GRIK1: variants seen among roughly 807,000 people sequenced by gnomAD.
GRIK1 encodes glutamate receptor ionotropic, kainate 1.
In GRIK1, 69 loss-of-function variants were observed where a neutral mutation model predicts 105.7. The observed-to-expected ratio is 0.65, with a 90% CI of 0.54 to 0.80. The LOEUF (loss-of-function observed/expected upper bound fraction) is 0.80. GRIK1 is among the 30% of genes least tolerant of loss of function. The pLI is 0.00. For missense variants in GRIK1, 1,109 were observed against 1,167.3 expected (o/e 0.95, Z 0.73); for synonymous variants, 438 against 431.3 (o/e 1.02, Z -0.19).
intron 11 of GRIK1, among the ~76,000 whole-genome samples, 197 bp from the exon 12 acceptor site, chr21:29,587,786 G>C (rs2091162784): frequency 6.6e-6 from 1 of 151,718 alleles, no homozygotes; most frequent in Non-Finnish European, 1.5e-5. Flanking sequence ...AGAGAAACCA[G>C]AAAGTATAAA....
intron 1 of GRIK1, among the ~76,000 whole-genome samples, chr21:29,775,056 C>A (rs891279015): frequency 6.6e-6 from 1 of 152,072 alleles, no homozygotes; most frequent in African/African-American, 2.4e-5. Context: ...TGGTAGCTCA[C>A]GCCTGTAATC....
At chr21:29,800,840 G>T (rs983160147) in intron 1 of GRIK1, among the ~76,000 whole-genome samples, 1 of 152,204 alleles carries the variant, frequency 6.6e-6, no homozygotes, top group African/African-American at 2.4e-5. Context: ...ACAAGTCGGA[G>T]GAGGGAGAAA....
intron 1 of GRIK1, among the ~76,000 whole-genome samples, chr21:29,747,082 C>T (rs1662269670): frequency 6.6e-6 from 1 of 152,100 alleles, no homozygotes; most frequent in African/African-American, 2.4e-5. Flanking sequence ...AAATTGTTCC[C>T]TGAGAGCTAA....
intron 2 of GRIK1, 33 bp from the exon 3 acceptor site, chr21:29,690,018 G>T: frequency 1.3e-6 from 2 of 1,532,726 alleles, no homozygotes; most frequent in Non-Finnish European, 1.8e-6. Flanking sequence ...GGATGGGGAG[G>T]GAGGGCAGGG....
chr21:29,705,790 T>C (rs1230805185), intron 1 of GRIK1, among the ~76,000 whole-genome samples: 3 of 152,336 alleles, frequency 2.0e-5, no homozygotes, highest in East Asian at 3.9e-4. Context: ...CTCACAGATA[T>C]GTTGCAGGTA....
Position 29,846,447 on chromosome 21 carries a change from AAGAAGGAAAG to A in GRIK1, c.118+92926_118+92935del, listed in dbSNP as rs1273796609. ...AAAAAAATAAAGAAGGAAAGAAGGA[AAGAAGGAAAG>A]AGAGAGAGAAAGAAAGAAAGAAAGA... On this transcript the variant is annotated intron_variant, in intron 1 of 17. Coordinates refer to ENST00000327783, the MANE Select transcript of GRIK1 (RefSeq NM_001330994.2). Among the ~76,000 whole-genome samples the A allele has an allele frequency of 3.2e-3, 399 of 123,632 alleles. 5 individuals carry two copies. Among genetic ancestry groups the A allele is most frequent in the African/African-American group, 0.013 (382 of 29,682 alleles). 81.1% of individuals were successfully genotyped at this position (123,632 alleles called of 152,430 possible). A position where few individuals can be genotyped will look rare whatever the true frequency, so the allele number is the denominator to read the frequency against.
chr21:29,815,954 C>T (rs533241671), intron 1 of GRIK1, among the ~76,000 whole-genome samples: 1 of 151,824 alleles, frequency 6.6e-6, no homozygotes, highest in African/African-American at 2.4e-5. Flanking sequence ...ACAAATGAGA[C>T]CATATTAAAC....
intron 14 of GRIK1, among the ~76,000 whole-genome samples, chr21:29,572,628 T>G (rs2090778633): frequency 6.6e-6 from 1 of 152,208 alleles, no homozygotes; most frequent in Non-Finnish European, 1.5e-5. Flanking sequence ...GGAACTGACT[T>G]TCTAGAACTC....
intron 14 of GRIK1, among the ~76,000 whole-genome samples, chr21:29,574,709 A>T: frequency 8.2e-6 from 1 of 122,256 alleles, no homozygotes. Flanking sequence ...TTTTTTTGAG[A>T]CGGAGTCTCG....
At chr21:29,586,324 T>A (rs1378249036) in intron 12 of GRIK1, among the ~76,000 whole-genome samples, 4 of 152,212 alleles carry the variant, frequency 2.6e-5, no homozygotes, top group Admixed American at 6.5e-5. Flanking sequence ...ATGTCTGCCT[T>A]GTGGATCTTT....
chr21:29,624,967 A>G (rs1240331292), intron 7 of GRIK1, among the ~76,000 whole-genome samples: 1 of 151,750 alleles, frequency 6.6e-6, no homozygotes, highest in Non-Finnish European at 1.5e-5. Context: ...CCTTCTCACT[A>G]CCTCCTGTTC....
At chr21:29,731,058 G>T (rs1226457794) in intron 1 of GRIK1, among the ~76,000 whole-genome samples, 1 of 152,092 alleles carries the variant, frequency 6.6e-6, no homozygotes, top group South Asian at 2.1e-4. Flanking sequence ...TTTAAGATTA[G>T]GAAACAAAAA....
At position 29,689,890 on chromosome 21, in the gene GRIK1, C is replaced by G; in HGVS notation, c.382G>C (p.Val128Leu). 6.2e-7 allele frequency: 1 copy of G among 1,613,844 alleles called. No individual in the cohort carries two copies. The highest frequency in any genetic ancestry group is 8.5e-7 in the Non-Finnish European group (1 of 1,179,908). ...TTCCAGCGGGTCTGTATGTGTGGAACTTCGAGAGCATTGCAAATAGACTGC... is the reference window on the plus strand; with the variant it reads ...TTCCAGCGGGTCTGTATGTGTGGAAGTTCGAGAGCATTGCAAATAGACTGC... ...AVQSICNALEVPHIQTRWKHP... is the reference protein window; with the variant it reads ...AVQSICNALELPHIQTRWKHP... Residue 128 changes from valine to leucine, a missense_variant, in exon 3 of 18, where the codon GTT (valine) becomes CTT (leucine). Around this residue, in one of 5 missense-constraint regions of GRIK1, gnomAD observed 612 missense variants for 586.0 expected, o/e 1.04. Transcript: ENST00000327783.
chr21:29,613,058 C>A (rs1261942676), intron 7 of GRIK1, among the ~76,000 whole-genome samples: 1 of 152,144 alleles, frequency 6.6e-6, no homozygotes, highest in African/African-American at 2.4e-5. Context: ...CTTCCTCAAG[C>A]TTCATTTGCA....
chr21:29,848,792 T>TTTTTC (rs1237013113), intron 1 of GRIK1, among the ~76,000 whole-genome samples: 8 of 144,722 alleles, frequency 5.5e-5, no homozygotes, highest in African/African-American at 1.8e-4. Context: ...TTTTTTTTTT[T>TTTTTC]CCACGATCTT....
At chr21:29,667,154 A>C (rs2063075438) in intron 4 of GRIK1, among the ~76,000 whole-genome samples, 1 of 152,214 alleles carries the variant, frequency 6.6e-6, no homozygotes, top group Non-Finnish European at 1.5e-5. Context: ...CATGTTTACC[A>C]TCCCTTAGCA....
chr21:29,889,087 TA>T (rs1219361138), intron 1 of GRIK1, among the ~76,000 whole-genome samples: 1 of 152,190 alleles, frequency 6.6e-6, no homozygotes, highest in African/African-American at 2.4e-5. Flanking sequence ...ATTGGACTTC[TA>T]AAATCTTCTT....
chr21:29,885,349 AC>A (rs1184329697), intron 1 of GRIK1, among the ~76,000 whole-genome samples: 1 of 151,972 alleles, frequency 6.6e-6, no homozygotes, highest in East Asian at 1.9e-4. Context: ...TCATACCACA[AC>A]CCTGACCTAG....
At chr21:29,918,491 G>A (rs57109019) in intron 1 of GRIK1, among the ~76,000 whole-genome samples, 5,368 of 151,956 alleles carry the variant, frequency 0.035, 296 homozygotes, top group African/African-American at 0.12. Context: ...TCATAATCAG[G>A]CTCTTGAATA....
Sources: allele counts gnomAD v4.1 joint callset (sites outside exome capture counted in the v4.1 genomes callset), GRCh38; gene constraint gnomAD v4.1.1; regional missense constraint gnomAD v4.1.1; transcripts MANE v1.5; gene names NCBI Gene and HGNC (gene_info 2026-07-23, HGNC 2026-07-21).